ZNF746: variants seen among roughly 807,000 people sequenced by gnomAD.
ZNF746 encodes the protein zinc finger protein 746.
In ZNF746, 13 loss-of-function variants were observed where a neutral mutation model predicts 41.0. The observed-to-expected ratio is 0.32, with a 90% CI of 0.21 to 0.50. The LOEUF is 0.50. Among genes scored for constraint, ZNF746 ranks in the 20% least tolerant of loss-of-function variants. ZNF746 has a pLI of 0.98. For missense variants in ZNF746, 811 were observed against 922.9 expected (o/e 0.88, Z 1.57); for synonymous variants, 424 against 396.2 (o/e 1.07, Z -0.83).
chr7:149,497,573 T>TCGTCGC lies in ZNF746; in HGVS notation c.-43_-38dup. 9.5e-7 allele frequency: 1 copy of TCGTCGC among 1,048,738 alleles called. No individual in the cohort carries two copies. The highest frequency in any genetic ancestry group is 1.1e-6 in the Non-Finnish European group (1 of 874,714). 65.0% of individuals were successfully genotyped at this position (1,048,738 alleles called of 1,614,324 possible). ...GTCCCGCCCGGCCCGGAGGAAGTCG[T>TCGTCGC]CGTCGCCGCCGCCGCGCGCGGCACC... On this transcript the variant is annotated 5_prime_UTR_variant, in exon 1 of 7. Transcript: ENST00000458143. The surrounding 1 kb of genome is among the most constrained non-coding windows in gnomAD (Gnocchi z 4.2).
At chr7:149,486,514 G>A (rs922903884) in intron 4 of ZNF746, among the ~76,000 whole-genome samples, 2 of 152,080 alleles carry the variant, frequency 1.3e-5, no homozygotes, top group Non-Finnish European at 2.9e-5. Flanking sequence ...ACTGTAAAGT[G>A]GTGAAAATCA....
intron 4 of ZNF746, chr7:149,491,891 C>T (rs1285063757): frequency 2.9e-6 from 2 of 701,402 alleles, no homozygotes; most frequent in Non-Finnish European, 5.2e-6. Flanking sequence ...CCTGTGTCCA[C>T]CTGTCCTTCC....
intron 4 of ZNF746, among the ~76,000 whole-genome samples, chr7:149,481,796 C>T (rs1383453528): frequency 5.9e-5 from 9 of 151,926 alleles, no homozygotes; most frequent in Non-Finnish European, 1.2e-4. Context: ...AAAGGAGAGG[C>T]AGGAAAAATA....
chr7:149,491,723 C>A lies in ZNF746; in HGVS notation c.565+1136G>T, dbSNP rs865839815. 3.1e-3 allele frequency: 1,839 copies of A among 601,626 alleles called. 27 individuals are homozygous for A. The highest frequency in any genetic ancestry group is 0.02 in the East Asian group (738 of 36,246). The allele number at this position is 601,626 out of a possible 1,614,324, so 37.3% of individuals were successfully genotyped here. A position where few individuals can be genotyped will look rare whatever the true frequency, so the allele number is the denominator to read the frequency against. ...TGGCGCACAGGAGGGCCTCTGCGGA[C>A]CACCACCTTTCTCAGTGTCAGACGA... On this transcript the variant is annotated intron_variant, in intron 4 of 6. Transcript: ENST00000458143.
intron 4 of ZNF746, 58 bp from the exon 5 acceptor site, chr7:149,477,813 AC>A: frequency 7.1e-7 from 1 of 1,412,494 alleles, no homozygotes; most frequent in Non-Finnish European, 9.5e-7. Context: ...CCTGGGGCAT[AC>A]ACGCATCCAG....
chr7:149,483,289 T>C (rs974359756), intron 4 of ZNF746, among the ~76,000 whole-genome samples: 1 of 152,130 alleles, frequency 6.6e-6, no homozygotes, highest in Non-Finnish European at 1.5e-5. Context: ...TTAGAGGAAA[T>C]TTTATAGCCT....
intron 5 of ZNF746, 91 bp from the exon 6 acceptor site, chr7:149,477,138 G>GT (rs1253558268): frequency 6.9e-7 from 1 of 1,452,280 alleles, no homozygotes; most frequent in African/African-American, 1.4e-5. Flanking sequence ...AAACTCTGAG[G>GT]TCCCCCCACT....
At position 149,474,738 on chromosome 7, in the gene ZNF746, G is replaced by A. The variant is rs1431922915; in HGVS notation, c.1629C>T (p.Arg543=). Residue 543 remains arginine (R), a synonymous_variant, in exon 7 of 7, where the codon CGC becomes CGT. Transcript: ENST00000458143. The surrounding 1 kb of genome is among the most constrained non-coding windows in gnomAD (Gnocchi z 6.3). ...RCFTRPAHLI[R]HRMLHTGERP... is the part of the protein sequence containing the mutation. ...GCTCGCCGGTGTGCAGCATGCGATG[G>A]CGGATGAGGTGCGCGGGGCGCGTGA... 1.2e-6 allele frequency: 2 copies of A among 1,608,474 alleles called. No individual in the cohort carries two copies. Among genetic ancestry groups the A allele is most frequent in the Admixed American group, 1.7e-5 (1 of 59,552 alleles).
Position 149,474,872 on chromosome 7 carries a change from G to A in ZNF746, c.1495C>T (p.Pro499Ser), listed in dbSNP as rs1183835050. 9.3e-6 allele frequency: 14 copies of A among 1,500,944 alleles called. No individual in the cohort carries two copies. In the East Asian group the frequency reaches 2.4e-4, roughly 26 times the overall value. 93.0% of individuals were successfully genotyped at this position (1,500,944 alleles called of 1,614,324 possible). Residue 499 changes from proline to serine, a missense_variant, in exon 7 of 7, where the codon CCG (proline) becomes TCG (serine). Pro to Ser is a moderately conservative substitution (Grantham distance 74, BLOSUM62 -1). Around this residue, in one of 4 missense-constraint regions of ZNF746, gnomAD observed 495 missense variants for 481.6 expected, o/e 1.03. Transcript: ENST00000458143. This position sits in a 1 kb window ranked among gnomAD's most constrained non-coding sequence, Gnocchi z 6.3. ...CCGCTGCCGCCACCGCCTGTGCCCG[G>A]GCCCGACCCGTCGGGCGCCCCACAG... ...RSCGAPDGSG[P>S]GTGGGGSGSG...
At chr7:149,492,327 C>G (rs1800831814) in intron 4 of ZNF746, among the ~76,000 whole-genome samples, 1 of 152,162 alleles carries the variant, frequency 6.6e-6, no homozygotes, top group South Asian at 2.1e-4. Flanking sequence ...ATTTTCTCTT[C>G]CTTATGATTT....
Position 149,497,495 on chromosome 7 carries a change from C to T in ZNF746, c.24+18G>A. On this transcript the variant is annotated intron_variant, in intron 1 of 6. Coordinates refer to ENST00000458143, the MANE Select transcript of ZNF746 (RefSeq NM_001394198.1). This position sits in a 1 kb window ranked among gnomAD's most constrained non-coding sequence, Gnocchi z 4.2. ...GGCCCCCAGGCCGCGAGTCCCTGCG[C>T]GCGCGGGTCGCCCTTACCGGAGCCG... The T allele has an allele frequency of 2.7e-6, 3 of 1,095,804 alleles. No individual in the cohort carries two copies. The highest frequency in any genetic ancestry group is 3.3e-6 in the Non-Finnish European group (3 of 905,106). 67.9% of individuals were successfully genotyped at this position (1,095,804 alleles called of 1,614,324 possible). A position where few individuals can be genotyped will look rare whatever the true frequency, so the allele number is the denominator to read the frequency against.
chr7:149,476,121 T>C lies in ZNF746; in HGVS notation c.884-638A>G, dbSNP rs541622556. ...TGAGGTCAGGAGATTGAGACCATCC[T>C]GGCTAACATGGTGAAACGCCGTCTC... is the stretch of plus-strand genomic sequence containing the variant. On this transcript the variant is annotated intron_variant, in intron 6 of 6. Coordinates refer to ENST00000458143, the MANE Select transcript of ZNF746 (RefSeq NM_001394198.1). Among the ~76,000 whole-genome samples the C allele has an allele frequency of 7.2e-5, 11 of 152,238 alleles. No homozygotes were observed. The East Asian group carries it at 1.9e-3, about 27-fold the overall frequency.
In ZNF746 at chr7:149,474,463, G is replaced by A. The variant is rs375395764; in HGVS notation, c.1904C>T (p.Pro635Leu). 51 of 1,611,558 alleles carry A rather than the reference G, an allele frequency of 3.2e-5. No individual in the cohort carries two copies. The highest frequency in any genetic ancestry group is 1.6e-4 in the Middle Eastern group (1 of 6,064). Residue 635 changes from proline (P) to leucine (L), a missense_variant, in exon 7 of 7, where the codon CCT becomes CTT. Physicochemically the swap from Pro to Leu is moderately conservative, Grantham distance 98. This residue lies in a region of ZNF746 where 99 missense variants were observed against 80.3 expected (regional missense o/e 1.23). Coordinates refer to ENST00000458143, the MANE Select transcript of ZNF746 (RefSeq NM_001394198.1). This position sits in a 1 kb window ranked among gnomAD's most constrained non-coding sequence, Gnocchi z 6.3. ...GGTCACAAGGTCTGTGGAGGCCAAA[G>A]GTCCTTTGGAGGCGGGGCTCTTGAA... ...DPFKSPASKG[P>L]LASTDLVTDW...
chr7:149,492,106 A>G (rs1371846814), intron 4 of ZNF746, among the ~76,000 whole-genome samples: 1 of 152,174 alleles, frequency 6.6e-6, no homozygotes, highest in African/African-American at 2.4e-5. Flanking sequence ...AAAGCTTTGG[A>G]TTAATTTTGT....
At chr7:149,479,491 T>C (rs955725704) in intron 4 of ZNF746, among the ~76,000 whole-genome samples, 1 of 151,996 alleles carries the variant, frequency 6.6e-6, no homozygotes, top group Non-Finnish European at 1.5e-5. Flanking sequence ...AGATTCTAAA[T>C]GAAAGAATTA....
chr7:149,481,474 T>C (rs1800483176), intron 4 of ZNF746, among the ~76,000 whole-genome samples: 1 of 152,256 alleles, frequency 6.6e-6, no homozygotes, highest in African/African-American at 2.4e-5. Flanking sequence ...CTGTATATGT[T>C]TAGTAGACAC....
At chr7:149,492,821 A>G (rs1800848942) in intron 4 of ZNF746, 38 bp downstream of exon 4, 1 of 1,451,404 alleles carries the variant, frequency 6.9e-7, no homozygotes, top group South Asian at 1.2e-5. Flanking sequence ...TTTCCTGCAC[A>G]ATACCTGATG....
At chr7:149,496,304 G>T (rs368101756) in intron 1 of ZNF746, among the ~76,000 whole-genome samples, 17 of 152,182 alleles carry the variant, frequency 1.1e-4, no homozygotes, top group East Asian at 1.9e-4. Flanking sequence ...GTGGGAGGTG[G>T]CGACTGTGCG....
At position 149,481,624 on chromosome 7, in the gene ZNF746, A is replaced by C. The variant is rs368749465; in HGVS notation, c.566-3869T>G. 7.2e-5 allele frequency among the ~76,000 whole-genome samples: 11 copies of C among 152,376 alleles called. No homozygotes were observed. The South Asian group carries it at 2.3e-3, about 32-fold the overall frequency. On this transcript the variant is annotated intron_variant, in intron 4 of 6. Coordinates refer to ENST00000458143, the MANE Select transcript of ZNF746 (RefSeq NM_001394198.1). Reference sequence around the variant, plus strand: ...CACATATAAACTCATATACACACACAAACTGAGGGCTCATTACCATCAGAC... The same window carrying C: ...CACATATAAACTCATATACACACACCAACTGAGGGCTCATTACCATCAGAC...
Sources: gnomAD v4.1 joint callset for allele counts (sites outside exome capture counted in the v4.1 genomes callset) on GRCh38, gnomAD v4.1.1 for gene constraint, gnomAD v4.1.1 regional missense constraint, Gnocchi (gnomAD v3.1) non-coding constraint, MANE v1.5 for transcripts, NCBI Gene and HGNC (gene_info 2026-07-23, HGNC 2026-07-21) for gene names.